The following GABRG3 variants were observed in gnomAD, a reference collection of about 807,000 sequenced individuals.
GABRG3 encodes gamma-aminobutyric acid type A receptor subunit gamma3.
GABRG3 carries 25 observed loss-of-function variants against 48.8 expected under a neutral mutation model. The ratio of observed to expected loss-of-function variants is 0.51; its 90% CI spans 0.37 to 0.72. The LOEUF is 0.72. GABRG3 is among the 30% of genes least tolerant of loss of function. The probability of loss-of-function intolerance (pLI) is 0.00; values close to 1 mark genes in which losing one functional copy is unlikely to be tolerated. For missense variants in GABRG3, 394 were observed against 577.9 expected (o/e 0.68, Z 3.26); for synonymous variants, 227 against 217.6 (o/e 1.04, Z -0.38).
At chr15:27,389,503 A>G (rs574145667) in intron 5 of GABRG3, among the ~76,000 whole-genome samples, 4 of 152,312 alleles carry the variant, frequency 2.6e-5, no homozygotes, top group East Asian at 1.9e-4. Flanking sequence ...TTATTTTGAT[A>G]AATAAAGTAT....
intron 3 of GABRG3, among the ~76,000 whole-genome samples, chr15:27,184,571 G>T (rs560197523): frequency 6.6e-6 from 1 of 152,300 alleles, no homozygotes; most frequent in African/African-American, 2.4e-5. Context: ...TTTAAAGGAA[G>T]CACCAAACAC....
At chr15:27,052,064 C>T (rs990678047) in intron 3 of GABRG3, among the ~76,000 whole-genome samples, 10 of 152,194 alleles carry the variant, frequency 6.6e-5, no homozygotes, top group African/African-American at 1.9e-4. Context: ...CTTGCTCGCC[C>T]GCCTCTCACC....
rs1373539320 is a variant in GABRG3 at position 27,001,906 on chromosome 15, G to C, written c.202+24756G>C. Among the ~76,000 whole-genome samples the C allele has an allele frequency of 1.0e-4, 4 of 39,604 alleles. No homozygotes were observed. In the East Asian group the frequency reaches 1.1e-3, roughly 11 times the overall value. The allele number at this position is 39,604 out of a possible 152,430, so 26.0% of individuals were successfully genotyped here. ...TAACTCAGTTTTTTTTTTTTTTTAA[G>C]ATATGGTCAGTGCAAACTAGAGTGT... On this transcript the variant is annotated intron_variant, in intron 2 of 9. Coordinates refer to ENST00000615808, the MANE Select transcript of GABRG3 (RefSeq NM_033223.5).
intron 5 of GABRG3, among the ~76,000 whole-genome samples, chr15:27,480,100 A>G (rs1890060972): frequency 1.3e-5 from 2 of 152,224 alleles, no homozygotes; most frequent in South Asian, 4.1e-4. Flanking sequence ...CCTTCCTGGA[A>G]TAATTAACCA....
chr15:27,351,962 G>A (rs1894627974), intron 5 of GABRG3, among the ~76,000 whole-genome samples: 1 of 149,758 alleles, frequency 6.7e-6, no homozygotes, highest in Non-Finnish European at 1.5e-5. Context: ...TGTGTATGGT[G>A]TATGTCTGTA....
intron 3 of GABRG3, among the ~76,000 whole-genome samples, chr15:27,271,322 C>A (rs945748674): frequency 6.6e-6 from 1 of 152,234 alleles, no homozygotes; most frequent in Non-Finnish European, 1.5e-5. Context: ...GCTCTTCCAC[C>A]AGAACTGCCT....
chr15:27,074,587 A>T (rs1896880853), intron 3 of GABRG3, among the ~76,000 whole-genome samples: 1 of 151,574 alleles, frequency 6.6e-6, no homozygotes, highest in Non-Finnish European at 1.5e-5. Context: ...ATTTCAGCCC[A>T]TCCTGGAACC....
chr15:27,294,284 A>G (rs1891903589), intron 3 of GABRG3, among the ~76,000 whole-genome samples: 2 of 141,958 alleles, frequency 1.4e-5, no homozygotes, highest in South Asian at 4.4e-4. Flanking sequence ...TGGCTCCATC[A>G]TGGCTCACTG....
chr15:27,135,936 CA>C (rs1442352851), intron 3 of GABRG3, among the ~76,000 whole-genome samples: 2 of 151,938 alleles, frequency 1.3e-5, no homozygotes, highest in East Asian at 3.9e-4. Context: ...CAAAGCAAAA[CA>C]AAACAACAAA....
At chr15:27,168,745 G>T (rs1164465051) in intron 3 of GABRG3, among the ~76,000 whole-genome samples, 1 of 152,162 alleles carries the variant, frequency 6.6e-6, no homozygotes, top group Non-Finnish European at 1.5e-5. Context: ...CCAGGAAGTG[G>T]GCCCTCACCA....
rs537782960 is a variant in GABRG3 at position 27,152,499 on chromosome 15, ATCT to A, written c.270+125682_270+125684del. Among the ~76,000 whole-genome samples the A allele has an allele frequency of 2.4e-3, 362 of 152,292 alleles. 2 individuals carry two copies. The highest frequency in any genetic ancestry group is 6.8e-3 in the Middle Eastern group (2 of 294). On this transcript the variant is annotated intron_variant, in intron 3 of 9. Transcript: ENST00000615808. Reference sequence around the variant, plus strand: ...GCATCTCCATATGCACTTTAGCATAATCTTCTCTGTTTCTACAGAAATCTTGCT... The same window carrying A: ...GCATCTCCATATGCACTTTAGCATAATCTCTGTTTCTACAGAAATCTTGCT...
intron 3 of GABRG3, chr15:27,280,262 T>G (rs1290121294): frequency 6.6e-6 from 1 of 152,176 alleles, no homozygotes; most frequent in Admixed American, 6.5e-5. Flanking sequence ...TGTTTTTATT[T>G]TTAAATAAAA....
In GABRG3 at chr15:27,138,358, C is replaced by G. The variant is rs374434687; in HGVS notation, c.270+111537C>G. 1.3e-4 allele frequency among the ~76,000 whole-genome samples: 20 copies of G among 152,290 alleles called. No homozygotes were observed. The East Asian group carries it at 2.7e-3, about 21-fold the overall frequency. The stretch of plus-strand genomic sequence containing the variant: ...TCTGACCACGTAAATATGGTTCACT[C>G]TTGGGCTGTACTATAATATATAGCC... On this transcript the variant is annotated intron_variant, in intron 3 of 9. Transcript: ENST00000615808.
chr15:27,461,237 G>A (rs1193988292), intron 5 of GABRG3, among the ~76,000 whole-genome samples: 1 of 152,112 alleles, frequency 6.6e-6, no homozygotes, highest in East Asian at 1.9e-4. Flanking sequence ...CATTCAAGCT[G>A]TCAAAAATAG....
rs547005899 is a variant in GABRG3 at position 27,164,227 on chromosome 15, A to G, written c.270+137406A>G. 1.6e-4 allele frequency among the ~76,000 whole-genome samples: 25 copies of G among 152,310 alleles called. No homozygotes were observed. In the East Asian group the frequency reaches 1.9e-3, roughly 12 times the overall value. The stretch of plus-strand genomic sequence containing the variant: ...ACTGTCTCTCCAAACACACACACAC[A>G]CACAAACACAGCTTCTCTTTTGCCA... On this transcript the variant is annotated intron_variant, in intron 3 of 9. Transcript: ENST00000615808.
chr15:27,210,285 A>G (rs570544243), intron 3 of GABRG3, among the ~76,000 whole-genome samples: 1 of 152,330 alleles, frequency 6.6e-6, no homozygotes, highest in African/African-American at 2.4e-5. Context: ...ATTTCAGACC[A>G]CATGCACAGT....
chr15:27,311,944 C>T lies in GABRG3; in HGVS notation c.271-14865C>T, dbSNP rs573446794. Reference sequence around the variant, plus strand: ...CAGAGAGTCAAGGAAAATGAAGAAACGGTAATATTTCCCATACAATGGAAA... The same window carrying T: ...CAGAGAGTCAAGGAAAATGAAGAAATGGTAATATTTCCCATACAATGGAAA... On this transcript the variant is annotated intron_variant, in intron 3 of 9. Coordinates refer to ENST00000615808, the MANE Select transcript of GABRG3 (RefSeq NM_033223.5). 9.2e-5 allele frequency among the ~76,000 whole-genome samples: 14 copies of T among 151,894 alleles called. No individual in the cohort carries two copies. The South Asian group carries it at 2.1e-3, about 23-fold the overall frequency.
intron 2 of GABRG3, among the ~76,000 whole-genome samples, chr15:27,007,887 T>A (rs1042752139): frequency 6.6e-6 from 1 of 152,214 alleles, no homozygotes; most frequent in African/African-American, 2.4e-5. Flanking sequence ...TTTCTTTTAC[T>A]CTGCAGAAGC....
At chr15:27,356,532 A>C (rs1037007090) in intron 5 of GABRG3, among the ~76,000 whole-genome samples, 36 of 152,306 alleles carry the variant, frequency 2.4e-4, no homozygotes, top group African/African-American at 7.9e-4. Flanking sequence ...CAGTCTGCAA[A>C]GGAAAAGCTG....
Sources: gnomAD v4.1 joint callset for allele counts (sites outside exome capture counted in the v4.1 genomes callset) on GRCh38, gnomAD v4.1.1 for gene constraint, MANE v1.5 for transcripts, NCBI Gene and HGNC (gene_info 2026-07-23, HGNC 2026-07-21) for gene names.